PCDHGB3: variants seen among roughly 807,000 people sequenced by gnomAD.
The protein encoded by PCDHGB3 is protocadherin gamma-B3.
Under a neutral mutation model 59.2 loss-of-function variants are expected in PCDHGB3, and 40 were observed. That is an observed-to-expected ratio of 0.68 (90% CI 0.52 to 0.88). The LOEUF is 0.88. Among genes scored for constraint, PCDHGB3 ranks in the 40% least tolerant of loss-of-function variants. The pLI is 0.00. For synonymous variants in PCDHGB3, 581 were observed against 503.6 expected, an observed-to-expected ratio of 1.15 and a Z score of -2.06; for missense variants, 1,309 against 1,187.9, an observed-to-expected ratio of 1.10 and a Z score of -1.50.
At chr5:141,376,311 T>C (rs376213960) in intron 1 of PCDHGB3, 29 of 1,613,880 alleles carry the variant, frequency 1.8e-5, no homozygotes, top group Non-Finnish European at 2.4e-5. Flanking sequence ...TTTGTGGGCG[T>C]GGAAGGGGTT....
At chr5:141,504,240 G>A (rs1275204117) in intron 2 of PCDHGB3, among the ~76,000 whole-genome samples, 1 of 152,182 alleles carries the variant, frequency 6.6e-6, no homozygotes, top group Non-Finnish European at 1.5e-5. Context: ...AAGAAGCAGA[G>A]AGTTCTTCTT....
rs10040701 is a variant in PCDHGB3 at position 141,508,490 on chromosome 5, A to G, written c.2564-2457A>G. ...TCTTTCTTTTACATTCTGGATTTCC[A>G]TATCTTCTCTCCCTCCTGGTCCAGC... On this transcript the variant is annotated intron_variant, in intron 3 of 3. Transcript: ENST00000576222. Among the ~76,000 whole-genome samples, 377 of 152,202 alleles carry G rather than the reference A, an allele frequency of 2.5e-3. 1 individual carries two copies. The highest frequency in any genetic ancestry group is 8.6e-3 in the African/African-American group (358 of 41,530).
chr5:141,405,351 C>T (rs2094645564), intron 1 of PCDHGB3: 1 of 1,613,962 alleles, frequency 6.2e-7, no homozygotes, highest in Non-Finnish European at 8.5e-7. Context: ...TCCAAGTTTC[C>T]TATAGAAGAC....
At chr5:141,448,984 A>C (rs2098621334) in intron 1 of PCDHGB3, among the ~76,000 whole-genome samples, 1 of 152,086 alleles carries the variant, frequency 6.6e-6, no homozygotes, top group Non-Finnish European at 1.5e-5. Context: ...CTTCCATATT[A>C]ATATATAGAA....
At chr5:141,510,818 A>C in intron 3 of PCDHGB3, 129 bp from the exon 4 acceptor site, 1 of 1,551,540 alleles carries the variant, frequency 6.4e-7, no homozygotes, top group Non-Finnish European at 8.7e-7. Context: ...TGACCCCTAT[A>C]TTCCCAGTGC....
At position 141,403,415 on chromosome 5, in the gene PCDHGB3, C is replaced by T. The variant is rs770058522; in HGVS notation, c.2415+30606C>T. 6.8e-6 allele frequency: 11 copies of T among 1,614,046 alleles called. No individual in the cohort carries two copies. The South Asian group carries it at 1.2e-4, about 18-fold the overall frequency. ...GGTTCCTGGAGCACGTTATCCACTT[C>T]CAGAAGCTATTGATCCGGATGTTGG... On this transcript the variant is annotated intron_variant, in intron 1 of 3. Coordinates refer to ENST00000576222, the MANE Select transcript of PCDHGB3 (RefSeq NM_018924.5).
At chr5:141,497,665 G>A (rs1011161465) in intron 2 of PCDHGB3, among the ~76,000 whole-genome samples, 3 of 151,348 alleles carry the variant, frequency 2.0e-5, no homozygotes, top group South Asian at 2.1e-4. Flanking sequence ...TCAGCCTCCC[G>A]AGTAGCTGGG....
intron 1 of PCDHGB3, chr5:141,393,852 G>A (rs780721020): frequency 3.1e-6 from 5 of 1,614,004 alleles, no homozygotes; most frequent in South Asian, 1.1e-5. Flanking sequence ...TAGACCAGAA[G>A]TGATCATTAC....
intron 1 of PCDHGB3, chr5:141,418,168 G>T (rs2096233804): frequency 6.2e-7 from 1 of 1,613,946 alleles, no homozygotes. Context: ...GAAGATGTGA[G>T]TTGCAATTGG....
At chr5:141,446,822 A>G (rs976227044) in intron 1 of PCDHGB3, among the ~76,000 whole-genome samples, 1 of 152,206 alleles carries the variant, frequency 6.6e-6, no homozygotes, top group African/African-American at 2.4e-5. Flanking sequence ...TCAGATGGGT[A>G]GATCCTTATA....
intron 1 of PCDHGB3, among the ~76,000 whole-genome samples, chr5:141,484,774 C>T (rs1269490742): frequency 6.6e-6 from 1 of 151,782 alleles, no homozygotes; most frequent in Non-Finnish European, 1.5e-5. Context: ...ATGTTGTCTG[C>T]CTCCCCACAG....
chr5:141,397,271 T>C (rs552218945), intron 1 of PCDHGB3, among the ~76,000 whole-genome samples: 1 of 152,312 alleles, frequency 6.6e-6, no homozygotes, highest in East Asian at 1.9e-4. Context: ...AGCTACATCA[T>C]ATGGGCAGTA....
intron 1 of PCDHGB3, chr5:141,387,801 C>A: frequency 6.6e-7 from 1 of 1,509,314 alleles, no homozygotes; most frequent in Non-Finnish European, 8.9e-7. Flanking sequence ...AAAGTCCGTT[C>A]GGAGATCCAA....
rs1460389320 is a variant in PCDHGB3 at position 141,490,134 on chromosome 5, C to T, written c.2416-4673C>T. The T allele has an allele frequency of 2.5e-6, 4 of 1,614,114 alleles. No homozygotes were observed. Among genetic ancestry groups the T allele is most frequent in the Admixed American group, 3.3e-5 (2 of 59,998 alleles). ...GGAACCTCTTTGGCCTAGACCCTAG[C>T]AGTGGGGCAATCCATGTGTTGGGTC... On this transcript the variant is annotated intron_variant, in intron 1 of 3. Coordinates refer to ENST00000576222, the MANE Select transcript of PCDHGB3 (RefSeq NM_018924.5). This position sits in a 1 kb window ranked among gnomAD's most constrained non-coding sequence, Gnocchi z 5.4.
chr5:141,461,196 T>C (rs1398352067), intron 1 of PCDHGB3, among the ~76,000 whole-genome samples: 3 of 152,128 alleles, frequency 2.0e-5, no homozygotes. Context: ...TGTTTTTTGC[T>C]CTTTAGAGAA....
intron 1 of PCDHGB3, 30 bp downstream of exon 1, chr5:141,372,839 A>G: frequency 6.6e-7 from 1 of 1,524,174 alleles, no homozygotes. Context: ...TCCTTCCATA[A>G]ATATAATTGG....
chr5:141,397,974 C>A (rs1248429844), intron 1 of PCDHGB3: 3 of 1,174,340 alleles, frequency 2.6e-6, no homozygotes, highest in African/African-American at 1.6e-5. Flanking sequence ...TCCCCAGCGC[C>A]GGCCTTTACA....
intron 1 of PCDHGB3, chr5:141,400,049 C>G (rs1242848324): frequency 6.2e-7 from 1 of 1,613,572 alleles, no homozygotes; most frequent in Non-Finnish European, 8.5e-7. Context: ...CTGCTGGTTG[C>G]TGTGCGTGAT....
At chr5:141,435,054 C>A (rs891988253) in intron 1 of PCDHGB3, among the ~76,000 whole-genome samples, 7 of 151,964 alleles carry the variant, frequency 4.6e-5, no homozygotes, top group Admixed American at 1.3e-4. Context: ...ATTGACCATG[C>A]AGCAGTTTTG....
Sources: gnomAD v4.1 joint callset for allele counts (sites outside exome capture counted in the v4.1 genomes callset) on GRCh38, gnomAD v4.1.1 for gene constraint, Gnocchi (gnomAD v3.1) non-coding constraint, MANE v1.5 for transcripts, NCBI Gene and HGNC (gene_info 2026-07-23, HGNC 2026-07-21) for gene names.